EIF2D: variants seen among roughly 807,000 people sequenced by gnomAD.
EIF2D encodes the protein eukaryotic translation initiation factor 2D, also known as hepatocellular carcinoma-associated antigen 56.
A neutral mutation model predicts 77.4 loss-of-function variants in EIF2D; 56 were observed. That is an observed-to-expected ratio of 0.72 (90% CI 0.58 to 0.90). The LOEUF is 0.90. Ranked by LOEUF, EIF2D falls within the 40% of genes least tolerant of loss-of-function variation. The pLI is 0.00. For missense variants in EIF2D, 574 were observed against 706.5 expected, an observed-to-expected ratio of 0.81 and a Z score of 2.13; for synonymous variants, 230 against 271.0, an observed-to-expected ratio of 0.85 and a Z score of 1.49.
downstream of EIF2D, among the ~76,000 whole-genome samples, chr1:206,570,898 A>G (rs1553404104): frequency 6.6e-6 from 1 of 152,092 alleles, no homozygotes; most frequent in Non-Finnish European, 1.5e-5. Flanking sequence ...GGGTGTTCAA[A>G]TACTGGTTTT....
chr1:206,585,402 C>A, intron 2 of EIF2D: 2 of 800,130 alleles, frequency 2.5e-6, no homozygotes, highest in Non-Finnish European at 4.4e-6. Context: ...GCAGCACGGG[C>A]AGGAAGGTGA....
Position 206,584,938 on chromosome 1 carries a change from G to GC in EIF2D, c.139-3777dup. The GC allele has an allele frequency of 1.7e-6, 1 of 605,690 alleles. No individual in the cohort carries two copies. The highest frequency in any genetic ancestry group is 1.9e-5 in the African/African-American group (1 of 54,018). The allele number at this position is 605,690 out of a possible 1,614,324, so 37.5% of individuals were successfully genotyped here. On this transcript the variant is annotated intron_variant and NMD_transcript_variant, in intron 2 of 5. Coordinates refer to the EIF2D transcript ENST00000472709. The surrounding 1 kb of genome is among the most constrained non-coding windows in gnomAD (Gnocchi z 4.9). Reference sequence around the variant, plus strand: ...CTGATCTGTGCAATGGGAGGAATCTGCCCCACCATTCCTAATCTTTCAGGA... The same window carrying GC: ...CTGATCTGTGCAATGGGAGGAATCTGCCCCCACCATTCCTAATCTTTCAGGA...
chr1:206,582,679 T>C (rs79326248), intron 2 of EIF2D, among the ~76,000 whole-genome samples: 2,814 of 152,338 alleles, frequency 0.018, 66 homozygotes, highest in South Asian at 0.05. Context: ...TATTTACTTC[T>C]TGCTATGTGA....
chr1:206,612,343 G>A lies in EIF2D; in HGVS notation c.-1C>T. The A allele has an allele frequency of 6.2e-7, 1 of 1,614,260 alleles. No individual in the cohort carries two copies. Among genetic ancestry groups the A allele is most frequent in the Admixed American group, 1.7e-5 (1 of 60,030 alleles). On this transcript the variant is annotated 5_prime_UTR_variant, in exon 1 of 15. Transcript: ENST00000271764. ...TGACCCGAAAGGCCTTGGCAAACAT[G>A]TCTGCTGGGGTGGCCTGGGGAAGAG...
chr1:206,598,596 C>G (rs1174108074), intron 11 of EIF2D, among the ~76,000 whole-genome samples: 1 of 151,768 alleles, frequency 6.6e-6, no homozygotes, highest in Non-Finnish European at 1.5e-5. Context: ...CCCAAATACC[C>G]TGCCTTGATC....
intron 4 of EIF2D, among the ~76,000 whole-genome samples, chr1:206,575,271 T>C (rs1236617362): frequency 6.6e-6 from 1 of 152,168 alleles, no homozygotes; most frequent in Non-Finnish European, 1.5e-5. Flanking sequence ...AGGAGGGGCC[T>C]GAGGCTTTCC....
chr1:206,579,752 C>G lies in EIF2D; in HGVS notation c.*254+940G>C, dbSNP rs951370769. 4.6e-5 allele frequency among the ~76,000 whole-genome samples: 7 copies of G among 152,208 alleles called. No homozygotes were observed. Among genetic ancestry groups the G allele is most frequent in the Non-Finnish European group, 1.0e-4 (7 of 68,046 alleles). On this transcript the variant is annotated intron_variant and NMD_transcript_variant, in intron 4 of 5. Coordinates refer to the EIF2D transcript ENST00000472709. This position sits in a 1 kb window ranked among gnomAD's most constrained non-coding sequence, Gnocchi z 4.2. ...CCCAGGCAGCTAAGTTTCTAAAGAT[C>G]CCCCAGATGATTGCACTGTGCAGAC...
At chr1:206,573,825 T>C (rs1435873489) in intron 4 of EIF2D, among the ~76,000 whole-genome samples, 1 of 152,112 alleles carries the variant, frequency 6.6e-6, no homozygotes, top group Non-Finnish European at 1.5e-5. Flanking sequence ...CTGGGCAATA[T>C]AGTGAGAGCC....
At chr1:206,578,793 T>C (rs572798086) in intron 4 of EIF2D, among the ~76,000 whole-genome samples, 7 of 152,270 alleles carry the variant, frequency 4.6e-5, no homozygotes, top group African/African-American at 1.7e-4. Context: ...AGAAGCCACG[T>C]GACTCACTCA....
chr1:206,603,128 C>T lies in EIF2D; in HGVS notation c.607G>A (p.Gly203Arg), dbSNP rs567271586. The change falls in exon 6 of 15, where the codon GGG (glycine) becomes AGG (arginine). Residue 203 changes from glycine (G) to arginine (R), a missense_variant. By Grantham distance (125) the Gly-to-Arg change is moderately radical. Coordinates refer to ENST00000271764, the MANE Select transcript of EIF2D (RefSeq NM_006893.3). The part of the protein sequence containing the change: ...LDSADLSEEK[G>R]SVQMDSTLQG... ...AGGGTGGAGTCCATCTGGACAGACC[C>T]CTTCTCTTCACTGAGATCTGCTGAA... 24 of 1,614,016 alleles carry T rather than the reference C, an allele frequency of 1.5e-5. No individual in the cohort carries two copies. The highest frequency in any genetic ancestry group is 1.7e-5 in the Non-Finnish European group (20 of 1,180,028).
intron 4 of EIF2D, among the ~76,000 whole-genome samples, chr1:206,606,779 T>C (rs532763556): frequency 3.9e-4 from 59 of 152,236 alleles, no homozygotes; most frequent in African/African-American, 1.3e-3. Flanking sequence ...CTTGGTCATC[T>C]CCATGAAAAA....
At position 206,593,637 on chromosome 1, in the gene EIF2D, G is replaced by A; in HGVS notation, c.1666C>T (p.Leu556Phe). ...TGCTCACCAAGCAATAGCCAGCCGA[G>A]GTGGTGGACCTGGTTTCCCTGGATC... The part of the protein sequence containing the change: ...VQIQGNQVHH[L>F]GWLLLEEYQL... The change falls in exon 14 of 15, where the codon CTC becomes TTC. Residue 556 changes from leucine to phenylalanine, a missense_variant. Transcript: ENST00000271764. 6.2e-7 allele frequency: 1 copy of A among 1,609,638 alleles called. No individual in the cohort carries two copies. The highest frequency in any genetic ancestry group is 8.5e-7 in the Non-Finnish European group (1 of 1,176,522).
rs1669036876 is a variant in EIF2D at position 206,584,707 on chromosome 1, C to T, written c.139-3545G>A. The T allele has an allele frequency of 6.2e-7, 1 of 1,613,440 alleles. No individual in the cohort carries two copies. The highest frequency in any genetic ancestry group is 1.6e-4 in the Middle Eastern group (1 of 6,062). On this transcript the variant is annotated intron_variant and NMD_transcript_variant, in intron 2 of 5. Transcript: ENST00000472709. The surrounding 1 kb of genome is among the most constrained non-coding windows in gnomAD (Gnocchi z 4.9). ...AAGGTAGGAGAAAGAGTGAACCCAA[C>T]CAGACCGTTCCCTTCCTACCTGTGT...
chr1:206,583,453 C>A, intron 2 of EIF2D: 1 of 1,019,920 alleles, frequency 9.8e-7, no homozygotes, highest in Non-Finnish European at 1.5e-6. Context: ...TGCCCTCACT[C>A]TGAATTCTGT....
intron 7 of EIF2D, 91 bp from the exon 8 acceptor site, chr1:206,600,399 T>C: frequency 8.2e-7 from 1 of 1,212,134 alleles, no homozygotes; most frequent in South Asian, 1.3e-5. Flanking sequence ...TCCTCAGCCT[T>C]CCTCCCCCAC....
intron 7 of EIF2D, chr1:206,601,864 G>A (rs1281716437): frequency 6.3e-6 from 1 of 159,438 alleles, no homozygotes; most frequent in Non-Finnish European, 1.4e-5. Flanking sequence ...TTTTGGATGG[G>A]GTGGGCCGGG....
intron 11 of EIF2D, among the ~76,000 whole-genome samples, chr1:206,597,618 A>T (rs1265297266): frequency 6.6e-6 from 1 of 151,878 alleles, no homozygotes; most frequent in African/African-American, 2.4e-5. Flanking sequence ...AAAGTTCAAG[A>T]CCAGCCTGGC....
rs1212353501 is a variant in EIF2D at position 206,593,474 on chromosome 1, AGAGAGAGAGAGAGC to A, written c.1684+131_1684+144del. ...GCTACTAAAAACTAAATGGAGAGAGAGAGAGAGAGAGAGCGAGAGAGAGAGAGAGAGAGAGTGTG... is the reference window on the plus strand; with the variant it reads ...GCTACTAAAAACTAAATGGAGAGAGAGAGAGAGAGAGAGAGAGAGAGTGTG... On this transcript the variant is annotated intron_variant, in intron 14 of 14. Coordinates refer to ENST00000271764, the MANE Select transcript of EIF2D (RefSeq NM_006893.3). The A allele has an allele frequency of 8.4e-5, 41 of 487,214 alleles. No homozygotes were observed. In the East Asian group the frequency reaches 1.2e-3, roughly 15 times the overall value. 30.2% of individuals were successfully genotyped at this position (487,214 alleles called of 1,614,324 possible).
chr1:206,584,473 G>A lies in EIF2D; in HGVS notation c.139-3311C>T. ...CGGTGCCTGCTGGGATCCGGCCCCA[G>A]TCCATCTATGATGCCATCAAGGAGG... On this transcript the variant is annotated intron_variant and NMD_transcript_variant, in intron 2 of 5. Transcript: ENST00000472709. This position sits in a 1 kb window ranked among gnomAD's most constrained non-coding sequence, Gnocchi z 4.9. 1 of 1,614,166 alleles carries A rather than the reference G, an allele frequency of 6.2e-7. No homozygotes were observed. Among genetic ancestry groups the A allele is most frequent in the Non-Finnish European group, 8.5e-7 (1 of 1,180,028 alleles).
Sources: allele counts gnomAD v4.1 joint callset (sites outside exome capture counted in the v4.1 genomes callset), GRCh38; gene constraint gnomAD v4.1.1; non-coding constraint Gnocchi (gnomAD v3.1); transcripts MANE v1.5; gene names NCBI Gene and HGNC (gene_info 2026-07-23, HGNC 2026-07-21).